LIG1: variants seen among roughly 807,000 people sequenced by gnomAD.
The protein encoded by LIG1 is ligase I, DNA, ATP-dependent.
Under a neutral mutation model 115.7 loss-of-function variants are expected in LIG1, and 70 were observed. The observed-to-expected ratio is 0.60, with a 90% CI of 0.50 to 0.74. The LOEUF is 0.74. Ranked by LOEUF, LIG1 falls within the 30% of genes least tolerant of loss-of-function variation. The pLI is 0.00. For synonymous variants in LIG1, 487 were observed against 495.3 expected, an observed-to-expected ratio of 0.98 and a Z score of 0.22; for missense variants, 1,115 against 1,225.6, an observed-to-expected ratio of 0.91 and a Z score of 1.35.
Position 48,115,691 on chromosome 19 carries a change from T to C in LIG1, c.2718A>G (p.Gln906=), listed in dbSNP as rs564642403. 1.7e-5 allele frequency: 27 copies of C among 1,614,068 alleles called. No individual in the cohort carries two copies. Among genetic ancestry groups the C allele is most frequent in the African/African-American group, 4.0e-5 (3 of 74,946 alleles). The change falls in exon 28 of 28, where the codon CAA becomes CAG. Residue 906 remains glutamine, a synonymous_variant. Coordinates refer to ENST00000263274, the MANE Select transcript of LIG1 (RefSeq NM_000234.3). ...LYRKQSQIQN[Q]QGEDSGSDPE... ...GGTCAGAGCCTGAGTCCTCGCCTTG[T>C]TGGTTCTGAATCTGACTTTGCTTCC...
intron 4 of LIG1, among the ~76,000 whole-genome samples, chr19:48,159,302 C>G (rs2036036956): frequency 6.6e-6 from 1 of 152,190 alleles, no homozygotes; most frequent in South Asian, 2.1e-4. Context: ...GAACTTCTGA[C>G]CTCGTGATCC....
intron 7 of LIG1, among the ~76,000 whole-genome samples, chr19:48,150,992 T>C (rs959659101): frequency 2.0e-5 from 3 of 152,000 alleles, no homozygotes; most frequent in Non-Finnish European, 4.4e-5. Context: ...TGAGGCACCG[T>C]ACCCGGCCTA....
At chr19:48,135,891 G>GCGCCCACC in intron 15 of LIG1, 112 bp from the exon 16 acceptor site, 1 of 928,766 alleles carries the variant, frequency 1.1e-6, no homozygotes, top group East Asian at 2.8e-5. Flanking sequence ...GGCCCAAGAC[G>GCGCCCACC]CCCCCTCCCC....
intron 16 of LIG1, 38 bp from the exon 17 acceptor site, chr19:48,134,104 T>C (rs1460952560): frequency 4.6e-6 from 7 of 1,523,684 alleles, no homozygotes; most frequent in Non-Finnish European, 6.2e-6. Flanking sequence ...GGGAAGCCTT[T>C]CTAGAACTCA....
chr19:48,170,032 C>T, intron 1 of LIG1: 4 of 346,982 alleles, frequency 1.2e-5, no homozygotes, highest in South Asian at 4.0e-5. Context: ...CTACCCTCTA[C>T]CTGGCCCCCC....
rs74342829 is a variant in LIG1, at chr19:48,169,641, G to A, written c.-58+600C>T. 128 of 161,780 alleles carry A rather than the reference G, an allele frequency of 7.9e-4. No homozygotes were observed. The East Asian group carries it at 0.011, about 14-fold the overall frequency. The allele number at this position is 161,780 out of a possible 1,614,324, so 10.0% of individuals were successfully genotyped here. A position where few individuals can be genotyped will look rare whatever the true frequency, so the allele number is the denominator to read the frequency against. ...TGACACCACCCATCTCCCTCCAGTA[G>A]GGCCCACTCCTTCCAGGTGATGCTG... On this transcript the variant is annotated intron_variant, in intron 1 of 27. Transcript: ENST00000263274.
intron 5 of LIG1, among the ~76,000 whole-genome samples, chr19:48,156,001 G>A (rs2035810082): frequency 6.6e-6 from 1 of 152,182 alleles, no homozygotes; most frequent in Non-Finnish European, 1.5e-5. Flanking sequence ...CGGACGGCAA[G>A]GGCTCACACT....
chr19:48,164,574 G>A (rs1166564565), intron 2 of LIG1, among the ~76,000 whole-genome samples: 1 of 152,198 alleles, frequency 6.6e-6, no homozygotes. Flanking sequence ...AGTGAAACTG[G>A]GCTCTAACAC....
chr19:48,150,700 T>C (rs2035416317), intron 7 of LIG1, among the ~76,000 whole-genome samples: 1 of 152,192 alleles, frequency 6.6e-6, no homozygotes, highest in Non-Finnish European at 1.5e-5. Context: ...CTTTTTATCT[T>C]TTACTTTGTC....
At chr19:48,117,833 A>AG in intron 25 of LIG1, 52 bp from the exon 26 acceptor site, 2 of 1,600,950 alleles carry the variant, frequency 1.2e-6, no homozygotes. Context: ...CTCAAAGTCA[A>AG]GGCCAAGTGT....
Position 48,137,880 on chromosome 19 carries a change from G to A in LIG1, c.1088-192C>T, listed in dbSNP as rs1038863754. ...CGTGCCCCCAGCCACGCTGGCTGTA[G>A]GAAGTCAGCAAACATGCACGTGGAG... is the stretch of plus-strand genomic sequence containing the variant. On this transcript the variant is annotated intron_variant, in intron 12 of 27. Transcript: ENST00000263274. The surrounding 1 kb of genome is among the most constrained non-coding windows in gnomAD (Gnocchi z 4.3). The A allele has an allele frequency of 7.4e-6, 5 of 672,670 alleles. No individual in the cohort carries two copies. Among genetic ancestry groups the A allele is most frequent in the African/African-American group, 1.8e-5 (1 of 56,026 alleles). The allele number at this position is 672,670 out of a possible 1,614,324, so 41.7% of individuals were successfully genotyped here.
Position 48,127,030 on chromosome 19 carries a change from G to T in LIG1, c.2004+247C>A, listed in dbSNP as rs1330897810. The T allele has an allele frequency of 1.7e-5, 9 of 532,660 alleles. No individual in the cohort carries two copies. In the East Asian group the frequency reaches 2.9e-4, roughly 17 times the overall value. 33.0% of individuals were successfully genotyped at this position (532,660 alleles called of 1,614,324 possible). ...TCTACGACACACTCTTCTCGTTGCA[G>T]GACCTGAGGAAGATCCACCTCACGC... On this transcript the variant is annotated intron_variant, in intron 21 of 27. Coordinates refer to ENST00000263274, the MANE Select transcript of LIG1 (RefSeq NM_000234.3).
intron 9 of LIG1, among the ~76,000 whole-genome samples, chr19:48,145,087 T>C (rs779233325): frequency 6.6e-6 from 1 of 152,190 alleles, no homozygotes; most frequent in Non-Finnish European, 1.5e-5. Context: ...TTTGTAGAGA[T>C]GGGGTTTTGC....
rs372100754 is a variant in LIG1, at chr19:48,139,748, CCT to C, written c.1087+221_1087+222del. Among the ~76,000 whole-genome samples the C allele has an allele frequency of 8.0e-4, 122 of 152,214 alleles. No individual in the cohort carries two copies. In the East Asian group the frequency reaches 8.1e-3, roughly 10 times the overall value. ...CTCCCCTTCCCTGCACCCCACACCCCCTGTCCCAGCACATGCCTGGTCCTCCC... is the reference window on the plus strand; with the variant it reads ...CTCCCCTTCCCTGCACCCCACACCCCGTCCCAGCACATGCCTGGTCCTCCC... On this transcript the variant is annotated intron_variant, in intron 12 of 27. Coordinates refer to ENST00000263274, the MANE Select transcript of LIG1 (RefSeq NM_000234.3).
intron 4 of LIG1, among the ~76,000 whole-genome samples, chr19:48,158,346 C>T (rs2035977880): frequency 7.7e-6 from 1 of 130,292 alleles, no homozygotes; most frequent in Admixed American, 7.6e-5. Flanking sequence ...CTACAGAGAG[C>T]AAACGACAGC....
intron 25 of LIG1, 178 bp from the exon 26 acceptor site, chr19:48,117,959 TAGAA>T (rs1005234984): frequency 1.1e-4 from 73 of 651,530 alleles, no homozygotes; most frequent in African/African-American, 9.3e-5. Flanking sequence ...TAAACAGAAA[TAGAA>T]AGAGAAACAG....
intron 1 of LIG1, 47 bp from the exon 2 acceptor site, chr19:48,165,670 G>T: frequency 2.3e-6 from 3 of 1,332,456 alleles, no homozygotes; most frequent in Non-Finnish European, 3.2e-6. Flanking sequence ...GTTGTGCAGA[G>T]ATCTAAACAC....
intron 12 of LIG1, among the ~76,000 whole-genome samples, chr19:48,138,073 T>C (rs1201017193): frequency 2.0e-5 from 3 of 152,118 alleles, no homozygotes; most frequent in African/African-American, 7.2e-5. Context: ...TGGCGGGTCA[T>C]GAACATCTCT....
intron 3 of LIG1, 104 bp downstream of exon 3, chr19:48,162,158 T>G: frequency 8.7e-7 from 1 of 1,148,728 alleles, no homozygotes; most frequent in South Asian, 1.2e-5. Flanking sequence ...CTGAAAAAGT[T>G]TTTTGGGCCC....
Sources: allele counts gnomAD v4.1 joint callset (sites outside exome capture counted in the v4.1 genomes callset), GRCh38; gene constraint gnomAD v4.1.1; non-coding constraint Gnocchi (gnomAD v3.1); transcripts MANE v1.5; gene names NCBI Gene and HGNC (gene_info 2026-07-23, HGNC 2026-07-21).